The following ASAP1 variants were observed in gnomAD, a reference collection of about 807,000 sequenced individuals.
ASAP1 encodes the protein ArfGAP with SH3 domain, ankyrin repeat and PH domain 1.
In ASAP1, 43 loss-of-function variants were observed where a neutral mutation model predicts 145.2. That is an observed-to-expected ratio of 0.30 (90% CI 0.23 to 0.38). The LOEUF (loss-of-function observed/expected upper bound fraction) is 0.38, where lower values mean the gene tolerates loss of function less well. Ranked by LOEUF, ASAP1 falls within the 10% of genes least tolerant of loss-of-function variation. ASAP1 has a pLI of 1.00. For missense variants in ASAP1, 1,018 were observed against 1,355.3 expected (o/e 0.75, Z 3.91); for synonymous variants, 546 against 515.5 (o/e 1.06, Z -0.80).
intron 1 of ASAP1, among the ~76,000 whole-genome samples, chr8:130,424,917 C>T (rs996111304): frequency 6.0e-5 from 9 of 150,300 alleles, no homozygotes; most frequent in Non-Finnish European, 1.3e-4. Context: ...CGCTTGAACC[C>T]GGGAGGCAGA....
chr8:130,336,023 C>T (rs1364489854), intron 3 of ASAP1, among the ~76,000 whole-genome samples: 1 of 151,036 alleles, frequency 6.6e-6, no homozygotes, highest in East Asian at 1.9e-4. Context: ...CAGAATAAGA[C>T]CAGGCTGCAT....
At chr8:130,441,087 T>C (rs1565317846) in intron 1 of ASAP1, among the ~76,000 whole-genome samples, 1 of 152,062 alleles carries the variant, frequency 6.6e-6, no homozygotes, top group Non-Finnish European at 1.5e-5. Flanking sequence ...GTTCAATTGA[T>C]GAATTAAAAG....
intron 1 of ASAP1, among the ~76,000 whole-genome samples, chr8:130,422,492 T>G (rs997109054): frequency 6.6e-6 from 1 of 152,222 alleles, no homozygotes; most frequent in Admixed American, 6.5e-5. Flanking sequence ...TTACACAGTG[T>G]ACTTTCCCGC....
At chr8:130,061,629 G>A (rs973886681) in intron 27 of ASAP1, among the ~76,000 whole-genome samples, 1 of 152,128 alleles carries the variant, frequency 6.6e-6, no homozygotes, top group African/African-American at 2.4e-5. Context: ...AAGCGAGGTA[G>A]CAAAAGGCTT....
At chr8:130,231,363 C>T (rs1464855967) in intron 4 of ASAP1, among the ~76,000 whole-genome samples, 2 of 152,146 alleles carry the variant, frequency 1.3e-5, no homozygotes, top group Non-Finnish European at 1.5e-5. Flanking sequence ...ACATCATATG[C>T]TGGTAATAAA....
chr8:130,086,788 A>G (rs991124288), intron 25 of ASAP1, among the ~76,000 whole-genome samples: 5 of 152,216 alleles, frequency 3.3e-5, no homozygotes, highest in African/African-American at 1.2e-4. Context: ...TGGGTGACAG[A>G]ATAAGACCCT....
chr8:130,133,500 C>CA (rs1446669786), intron 15 of ASAP1, among the ~76,000 whole-genome samples: 3 of 151,520 alleles, frequency 2.0e-5, no homozygotes, highest in Non-Finnish European at 4.4e-5. Flanking sequence ...ACTAAAAATA[C>CA]AAAAAATTAG....
chr8:130,104,812 A>G (rs998910839), intron 24 of ASAP1, among the ~76,000 whole-genome samples: 2 of 152,242 alleles, frequency 1.3e-5, no homozygotes, highest in Admixed American at 6.5e-5. Flanking sequence ...CAGAAAAACC[A>G]AAAGTCTCTT....
intron 14 of ASAP1, among the ~76,000 whole-genome samples, chr8:130,135,177 G>C (rs1259575928): frequency 6.6e-6 from 1 of 152,230 alleles, no homozygotes; most frequent in South Asian, 2.1e-4. Flanking sequence ...CTCTTGGAGA[G>C]AGAGACAATG....
chr8:130,192,248 A>G (rs568531428), intron 5 of ASAP1, among the ~76,000 whole-genome samples: 4 of 151,702 alleles, frequency 2.6e-5, no homozygotes, highest in South Asian at 2.1e-4. Flanking sequence ...CTTAGCTGTT[A>G]TAACTGTCTG....
intron 4 of ASAP1, among the ~76,000 whole-genome samples, chr8:130,215,628 C>T (rs1208100563): frequency 6.6e-6 from 1 of 152,110 alleles, no homozygotes; most frequent in Admixed American, 6.5e-5. Context: ...CCTGTAATCC[C>T]AGCTACTCGG....
At chr8:130,407,057 T>C (rs1348137568) in intron 1 of ASAP1, among the ~76,000 whole-genome samples, 1 of 152,134 alleles carries the variant, frequency 6.6e-6, no homozygotes, top group Non-Finnish European at 1.5e-5. Context: ...TAGCAAGAAT[T>C]AATAAGAGAA....
intron 2 of ASAP1, among the ~76,000 whole-genome samples, chr8:130,394,454 T>TATC (rs1828431242): frequency 6.6e-6 from 1 of 152,148 alleles, no homozygotes; most frequent in African/African-American, 2.4e-5. Flanking sequence ...TCAAACATGT[T>TATC]ATCAATGACA....
intron 3 of ASAP1, among the ~76,000 whole-genome samples, chr8:130,276,755 CTCTCT>C (rs1565162763): frequency 6.6e-5 from 10 of 150,954 alleles, no homozygotes; most frequent in South Asian, 2.1e-4. Flanking sequence ...CTCTCTCTCT[CTCTCT>C]CCTCTAACAA....
intron 2 of ASAP1, among the ~76,000 whole-genome samples, chr8:130,370,794 G>A (rs79458779): frequency 2.3e-3 from 354 of 152,302 alleles, no homozygotes; most frequent in African/African-American, 8.1e-3. Context: ...TCAAAAGTCA[G>A]ATACAAAAGA....
intron 2 of ASAP1, among the ~76,000 whole-genome samples, chr8:130,368,682 G>C (rs952028567): frequency 2.6e-5 from 4 of 152,180 alleles, no homozygotes; most frequent in African/African-American, 9.7e-5. Context: ...TTCTCTCTAA[G>C]ACTTAGTAGG....
At chr8:130,088,769 T>C (rs1310245955) in intron 25 of ASAP1, among the ~76,000 whole-genome samples, 1 of 152,234 alleles carries the variant, frequency 6.6e-6, no homozygotes, top group Non-Finnish European at 1.5e-5. Flanking sequence ...CTGAGAATAA[T>C]GGTAACAGTA....
intron 11 of ASAP1, 60 bp downstream of exon 11, chr8:130,167,476 G>C: frequency 7.6e-7 from 1 of 1,308,538 alleles, no homozygotes; most frequent in Non-Finnish European, 1.1e-6. Context: ...AAACACAAAG[G>C]GTATTACAAG....
chr8:130,389,142 G>A (rs921568979), intron 2 of ASAP1, among the ~76,000 whole-genome samples: 1 of 151,924 alleles, frequency 6.6e-6, no homozygotes, highest in Non-Finnish European at 1.5e-5. Flanking sequence ...TGTTGTTGTT[G>A]TTACAATAAT....
Sources: gnomAD v4.1 joint callset for allele counts (sites outside exome capture counted in the v4.1 genomes callset) on GRCh38, gnomAD v4.1.1 for gene constraint, MANE v1.5 for transcripts, NCBI Gene and HGNC (gene_info 2026-07-23, HGNC 2026-07-21) for gene names.